CTNNA2: variants seen among roughly 807,000 people sequenced by gnomAD.
CTNNA2 encodes catenin alpha 2, also known as catenin alpha-2.
CTNNA2 carries 42 observed loss-of-function variants against 101.0 expected under a neutral mutation model. That is an observed-to-expected ratio of 0.42 (90% CI 0.32 to 0.54). CTNNA2 has a LOEUF of 0.54. CTNNA2 is among the 20% of genes least tolerant of loss of function. The pLI is 0.14. For synonymous variants in CTNNA2, 450 were observed against 456.4 expected, an observed-to-expected ratio of 0.99 and a Z score of 0.18; for missense variants, 871 against 1,223.1, an observed-to-expected ratio of 0.71 and a Z score of 4.29.
intron 9 of CTNNA2, among the ~76,000 whole-genome samples, chr2:80,436,222 C>T (rs961529001): frequency 4.6e-5 from 7 of 152,170 alleles, no homozygotes; most frequent in Non-Finnish European, 8.8e-5. Context: ...GGGACAGACA[C>T]TGCTACCCAG....
chr2:80,300,081 T>C (rs1308998777), intron 7 of CTNNA2, among the ~76,000 whole-genome samples: 1 of 152,164 alleles, frequency 6.6e-6, no homozygotes, highest in Non-Finnish European at 1.5e-5. Context: ...AGTGGTATGC[T>C]ATTTAGAAAG....
At chr2:80,422,283 A>C (rs1477042571) in intron 9 of CTNNA2, among the ~76,000 whole-genome samples, 1 of 152,174 alleles carries the variant, frequency 6.6e-6, no homozygotes, top group Non-Finnish European at 1.5e-5. Flanking sequence ...ATTCACTACC[A>C]GGAGAACAGT....
chr2:80,290,813 AGAAG>A (rs1675175400), intron 7 of CTNNA2, among the ~76,000 whole-genome samples: 1 of 152,318 alleles, frequency 6.6e-6, no homozygotes, highest in Non-Finnish European at 1.5e-5. Context: ...TAAAAAGAAA[AGAAG>A]GAAGGAAGGA....
intron 7 of CTNNA2, among the ~76,000 whole-genome samples, chr2:80,348,725 T>C (rs1411490626): frequency 1.3e-5 from 2 of 150,394 alleles, no homozygotes; most frequent in African/African-American, 5.0e-5. Flanking sequence ...CATCACTGAG[T>C]AAACGTAGTA....
chr2:80,618,648 A>G (rs1434562097), intron 17 of CTNNA2: 2 of 152,700 alleles, frequency 1.3e-5, no homozygotes, highest in Admixed American at 6.6e-5. Context: ...GGCTTAAGGA[A>G]GGTCACACAG....
chr2:79,338,777 C>T (rs1449234791), intron 3 of CTNNA2, among the ~76,000 whole-genome samples: 1 of 151,862 alleles, frequency 6.6e-6, no homozygotes, highest in Non-Finnish European at 1.5e-5. Flanking sequence ...GTAGTGGTCA[C>T]AAAGATAAAA....
intron 3 of CTNNA2, among the ~76,000 whole-genome samples, chr2:79,332,647 G>C (rs1434306963): frequency 6.6e-6 from 1 of 152,158 alleles, no homozygotes; most frequent in Non-Finnish European, 1.5e-5. Flanking sequence ...AATCCTACAG[G>C]GCTAAACAAT....
intron 7 of CTNNA2, among the ~76,000 whole-genome samples, chr2:80,188,487 A>G (rs1055016867): frequency 1.8e-4 from 27 of 152,120 alleles, no homozygotes; most frequent in African/African-American, 5.8e-4. Context: ...TTATTATCTG[A>G]TAGTCTGGAG....
chr2:79,609,376 CT>C (rs1426073657), intron 1 of CTNNA2, among the ~76,000 whole-genome samples: 1 of 151,986 alleles, frequency 6.6e-6, no homozygotes, highest in African/African-American at 2.4e-5. Flanking sequence ...TCTGTTCACC[CT>C]ACTTCAAATT....
intron 2 of CTNNA2, among the ~76,000 whole-genome samples, chr2:79,246,631 T>C (rs1460802641): frequency 2.0e-5 from 3 of 152,204 alleles, no homozygotes; most frequent in Non-Finnish European, 4.4e-5. Flanking sequence ...ATCAAAGTTA[T>C]GGTTTCAGGT....
At chr2:79,444,240 G>A (rs1449223371) in intron 4 of CTNNA2, among the ~76,000 whole-genome samples, 1 of 152,012 alleles carries the variant, frequency 6.6e-6, no homozygotes. Context: ...AGTAAATTTG[G>A]GGGTAAGTGG....
chr2:79,755,189 G>A (rs1191057741), intron 3 of CTNNA2, among the ~76,000 whole-genome samples: 1 of 151,974 alleles, frequency 6.6e-6, no homozygotes, highest in Non-Finnish European at 1.5e-5. Flanking sequence ...TAATGAGCTG[G>A]GCATGGTGGT....
At chr2:80,019,881 A>G (rs1208924099) in intron 7 of CTNNA2, among the ~76,000 whole-genome samples, 1 of 152,194 alleles carries the variant, frequency 6.6e-6, no homozygotes, top group East Asian at 1.9e-4. Context: ...TTATGGAGTA[A>G]CTATAGTCTC....
chr2:79,525,493 A>G (rs1477724087), intron 1 of CTNNA2, among the ~76,000 whole-genome samples: 1 of 151,972 alleles, frequency 6.6e-6, no homozygotes, highest in Non-Finnish European at 1.5e-5. Flanking sequence ...CCTGTGAGCC[A>G]TTCTATTAGG....
chr2:80,283,043 G>T (rs1290404533), intron 7 of CTNNA2, among the ~76,000 whole-genome samples: 1 of 152,024 alleles, frequency 6.6e-6, no homozygotes, highest in Non-Finnish European at 1.5e-5. Context: ...ATTAAAGAAG[G>T]CAGAATTTTG....
rs188929165 is a variant in CTNNA2, at chr2:79,664,793, A to G, written c.102+13135A>G. ...GTGGCGCGATCTCGGCTCACTGCAAACTCCGCCTCCCAGGTTCATGCCATT... is the reference window on the plus strand; with the variant it reads ...GTGGCGCGATCTCGGCTCACTGCAAGCTCCGCCTCCCAGGTTCATGCCATT... On this transcript the variant is annotated intron_variant, in intron 2 of 18. Transcript: ENST00000402739. Among the ~76,000 whole-genome samples, 510 of 142,798 alleles carry G rather than the reference A, an allele frequency of 3.6e-3. 13 individuals carry two copies. The East Asian group carries it at 0.05, about 14-fold the overall frequency. The allele number at this position is 142,798 out of a possible 152,430, so 93.7% of individuals were successfully genotyped here.
intron 7 of CTNNA2, among the ~76,000 whole-genome samples, chr2:80,264,051 T>A (rs953350180): frequency 6.6e-6 from 1 of 152,232 alleles, no homozygotes; most frequent in Admixed American, 6.5e-5. Flanking sequence ...TTTGCATTTT[T>A]CTTAAACATA....
intron 4 of CTNNA2, among the ~76,000 whole-genome samples, chr2:79,443,944 C>A (rs1204476696): frequency 1.3e-5 from 2 of 148,688 alleles, no homozygotes; most frequent in Non-Finnish European, 3.0e-5. Context: ...CTCTCTCTGG[C>A]CTTCTCACAT....
intron 3 of CTNNA2, among the ~76,000 whole-genome samples, chr2:79,828,132 C>G (rs1485509346): frequency 6.6e-6 from 1 of 152,074 alleles, no homozygotes; most frequent in Non-Finnish European, 1.5e-5. Context: ...AAAGTAGTAA[C>G]CTGCATCAGT....
Sources: allele counts gnomAD v4.1 joint callset (sites outside exome capture counted in the v4.1 genomes callset), GRCh38; gene constraint gnomAD v4.1.1; transcripts MANE v1.5; gene names NCBI Gene and HGNC (gene_info 2026-07-23, HGNC 2026-07-21).